PDE6B: variants seen among roughly 807,000 people sequenced by gnomAD.
PDE6B encodes rod cGMP-specific 3',5'-cyclic phosphodiesterase subunit beta.
PDE6B carries 106 observed loss-of-function variants against 109.0 expected under a neutral mutation model. The ratio of observed to expected loss-of-function variants is 0.97; its 90% CI spans 0.83 to 1.14. The LOEUF is 1.14. Among genes scored for constraint, PDE6B ranks in the 50% most tolerant of loss-of-function variants. The pLI, the probability that PDE6B is intolerant of heterozygous loss-of-function variation, is 0.00. For synonymous variants in PDE6B, 490 were observed against 471.3 expected (o/e 1.04, Z -0.51); for missense variants, 1,193 against 1,155.6 (o/e 1.03, Z -0.47).
At chr4:645,900 T>C (rs1735179841) in intron 3 of PDE6B, among the ~76,000 whole-genome samples, 1 of 152,106 alleles carries the variant, frequency 6.6e-6, no homozygotes, top group Non-Finnish European at 1.5e-5. Flanking sequence ...TACCACAATG[T>C]ACCTACAACT....
At chr4:652,000 G>GCGGCTCCACGACGGTGACTGCGGCCAGGT in intron 3 of PDE6B, 1 of 180,134 alleles carries the variant, frequency 5.6e-6, no homozygotes, top group Non-Finnish European at 1.2e-5. Flanking sequence ...TGCGGCCAGG[G>GCGGCTCCACGACGGTGACTGCGGCCAGGT]CGGCTCCACG....
chr4:626,915 G>T lies in PDE6B; in HGVS notation c.468+821G>T, dbSNP rs748420525. On this transcript the variant is annotated intron_variant, in intron 1 of 21. Transcript: ENST00000496514. This position sits in a 1 kb window ranked among gnomAD's most constrained non-coding sequence, Gnocchi z 4.6. Reference sequence around the variant, plus strand: ...CCCTGAGGAGCTGCCCGGCAAGGGGGCTCTGAGGAAGAAGGGGAGGGGGGA... The same window carrying T: ...CCCTGAGGAGCTGCCCGGCAAGGGGTCTCTGAGGAAGAAGGGGAGGGGGGA... Among the ~76,000 whole-genome samples the T allele has an allele frequency of 6.6e-6, 1 of 152,216 alleles. No homozygotes were observed.
At chr4:654,765 G>A (rs910061713) in intron 5 of PDE6B, 59 bp from the exon 6 acceptor site, 6 of 871,120 alleles carry the variant, frequency 6.9e-6, no homozygotes, top group African/African-American at 6.5e-5. Context: ...GTGTGTGTGT[G>A]TGTGAGCCCC....
intron 3 of PDE6B, among the ~76,000 whole-genome samples, chr4:644,012 G>A (rs1036748120): frequency 3.6e-5 from 5 of 140,322 alleles, no homozygotes; most frequent in South Asian, 2.3e-4. Context: ...TCCACCTCCC[G>A]GGTTCATGCC....
chr4:667,830 G>A (rs773464078), intron 20 of PDE6B, 26 bp from the exon 21 acceptor site: 14 of 1,610,086 alleles, frequency 8.7e-6, no homozygotes, highest in Non-Finnish European at 1.2e-5. Context: ...GGACAGGACT[G>A]GTGGTGACTT....
At chr4:629,899 T>G (rs554124689) in intron 1 of PDE6B, among the ~76,000 whole-genome samples, 3 of 152,058 alleles carry the variant, frequency 2.0e-5, no homozygotes, top group Non-Finnish European at 2.9e-5. Flanking sequence ...CCAGGCCTGC[T>G]AGAGGCAGAG....
Position 656,239 on chromosome 4 carries a change from T to A in PDE6B, c.1060-6T>A. The A allele has an allele frequency of 6.3e-7, 1 of 1,590,192 alleles. No individual in the cohort carries two copies. Among genetic ancestry groups the A allele is most frequent in the Non-Finnish European group, 8.6e-7 (1 of 1,158,376 alleles). Reference sequence around the variant, plus strand: ...GGATGAAATCGTTTTTCTGATGCTTTTTCAGATTTGTAACATCATGAATGC... The same window carrying A: ...GGATGAAATCGTTTTTCTGATGCTTATTCAGATTTGTAACATCATGAATGC... On this transcript the variant is annotated splice_polypyrimidine_tract_variant and splice_region_variant and intron_variant, in intron 7 of 21. Transcript: ENST00000496514.
chr4:662,029 T>C lies in PDE6B; in HGVS notation c.1615-105T>C, dbSNP rs888004142. ...GGAAGTCCAGGAGACGGTGTGGGGA[T>C]GATGGCACGGAGCAGGGCTTCCACT... On this transcript the variant is annotated intron_variant, in intron 12 of 21. Transcript: ENST00000496514. This position sits in a 1 kb window ranked among gnomAD's most constrained non-coding sequence, Gnocchi z 4.3. 11 of 709,096 alleles carry C rather than the reference T, an allele frequency of 1.6e-5. No homozygotes were observed. Among genetic ancestry groups the C allele is most frequent in the Non-Finnish European group, 2.9e-5 (11 of 385,630 alleles). 43.9% of individuals were successfully genotyped at this position (709,096 alleles called of 1,614,324 possible).
chr4:654,864 G>T lies in PDE6B; in HGVS notation c.968G>T (p.Gly323Val). ...AAAGTGATCGACTACGTCCTCCACG[G>T]CAAGGAGGAGATCAAGGTCATTCCG... ...FYKVIDYVLH[G>V]KEEIKVIPTP... The change falls in exon 6 of 22, where the codon GGC becomes GTC. Residue 323 changes from glycine to valine, a missense_variant. Coordinates refer to ENST00000496514, the MANE Select transcript of PDE6B (RefSeq NM_000283.4). 3 of 1,562,022 alleles carry T rather than the reference G, an allele frequency of 1.9e-6. No individual in the cohort carries two copies. Among genetic ancestry groups the T allele is most frequent in the East Asian group, 2.2e-5 (1 of 44,640 alleles).
Position 662,031 on chromosome 4 carries a change from A to G in PDE6B, c.1615-103A>G, listed in dbSNP as rs1737159529. 1.4e-6 allele frequency: 1 copy of G among 710,274 alleles called. No individual in the cohort carries two copies. Among genetic ancestry groups the G allele is most frequent in the Non-Finnish European group, 2.6e-6 (1 of 386,244 alleles). 44.0% of individuals were successfully genotyped at this position (710,274 alleles called of 1,614,324 possible). On this transcript the variant is annotated intron_variant, in intron 12 of 21. Transcript: ENST00000496514. The surrounding 1 kb of genome is among the most constrained non-coding windows in gnomAD (Gnocchi z 4.3). The stretch of plus-strand genomic sequence containing the variant: ...AAGTCCAGGAGACGGTGTGGGGATG[A>G]TGGCACGGAGCAGGGCTTCCACTGT...
chr4:628,071 C>T (rs969227099), intron 1 of PDE6B, among the ~76,000 whole-genome samples: 5 of 152,192 alleles, frequency 3.3e-5, no homozygotes, highest in African/African-American at 9.7e-5. Flanking sequence ...AGGGGCTGGG[C>T]ATGGTGTCTG....
chr4:641,386 G>T (rs374598029), intron 3 of PDE6B, among the ~76,000 whole-genome samples: 15 of 152,338 alleles, frequency 9.8e-5, no homozygotes, highest in African/African-American at 3.6e-4. Context: ...TGTATCCTGG[G>T]CAGAGAAGAG....
chr4:657,579 C>T, intron 10 of PDE6B, 85 bp downstream of exon 10: 1 of 1,408,646 alleles, frequency 7.1e-7, no homozygotes, highest in Non-Finnish European at 9.9e-7. Context: ...ACCCAGGGGT[C>T]TCGGCTGTGT....
At chr4:629,593 G>T (rs1353896640) in intron 1 of PDE6B, among the ~76,000 whole-genome samples, 1 of 152,222 alleles carries the variant, frequency 6.6e-6, no homozygotes, top group African/African-American at 2.4e-5. Context: ...CCTGCCCCCT[G>T]CCCCAAAACA....
chr4:646,144 T>C (rs544660197), intron 3 of PDE6B, among the ~76,000 whole-genome samples: 1 of 152,214 alleles, frequency 6.6e-6, no homozygotes, highest in African/African-American at 2.4e-5. Flanking sequence ...AGGAACTTCT[T>C]TGAACATTTT....
At chr4:654,717 G>T (rs1327938840) in intron 5 of PDE6B, 107 bp from the exon 6 acceptor site, 27 of 789,078 alleles carry the variant, frequency 3.4e-5, no homozygotes, top group Non-Finnish European at 7.0e-6. Context: ...GTGTGTGGGG[G>T]TGTGCATGCG....
intron 8 of PDE6B, 125 bp downstream of exon 8, chr4:656,417 C>T (rs544175543): frequency 2.2e-5 from 17 of 756,986 alleles, no homozygotes; most frequent in Middle Eastern, 4.7e-4. Context: ...TGGTGGCTCA[C>T]GCCTGTAATC....
In PDE6B at chr4:648,842, C is replaced by G. The variant is rs954313250; in HGVS notation, c.712-5010C>G. Among the ~76,000 whole-genome samples, 3 of 152,266 alleles carry G rather than the reference C, an allele frequency of 2.0e-5. No individual in the cohort carries two copies. Among genetic ancestry groups the G allele is most frequent in the African/African-American group, 7.2e-5 (3 of 41,472 alleles). On this transcript the variant is annotated intron_variant, in intron 3 of 21. Transcript: ENST00000496514. This position sits in a 1 kb window ranked among gnomAD's most constrained non-coding sequence, Gnocchi z 4.5. ...CCTTCAGGCCGGCCATGCGTCAGGACCCGGTGGCTCGCTGCAAGGGCGGAG... is the reference window on the plus strand; with the variant it reads ...CCTTCAGGCCGGCCATGCGTCAGGAGCCGGTGGCTCGCTGCAAGGGCGGAG...
Position 626,930 on chromosome 4 carries a change from G to A in PDE6B, c.468+836G>A, listed in dbSNP as rs187525256. On this transcript the variant is annotated intron_variant, in intron 1 of 21. Coordinates refer to ENST00000496514, the MANE Select transcript of PDE6B (RefSeq NM_000283.4). This position sits in a 1 kb window ranked among gnomAD's most constrained non-coding sequence, Gnocchi z 4.6. ...CGGCAAGGGGGCTCTGAGGAAGAAGGGGAGGGGGGAAGCCCCTTCTCCCTG... is the reference window on the plus strand; with the variant it reads ...CGGCAAGGGGGCTCTGAGGAAGAAGAGGAGGGGGGAAGCCCCTTCTCCCTG... 6.6e-6 allele frequency among the ~76,000 whole-genome samples: 1 copy of A among 152,286 alleles called. No homozygotes were observed. Among genetic ancestry groups the A allele is most frequent in the East Asian group, 1.9e-4 (1 of 5,168 alleles).
Sources: gnomAD v4.1 joint callset for allele counts (sites outside exome capture counted in the v4.1 genomes callset) on GRCh38, gnomAD v4.1.1 for gene constraint, Gnocchi (gnomAD v3.1) non-coding constraint, MANE v1.5 for transcripts, NCBI Gene and HGNC (gene_info 2026-07-23, HGNC 2026-07-21) for gene names.